NPAS3: variants seen among roughly 807,000 people sequenced by gnomAD.
NPAS3 encodes neuronal PAS domain protein 3.
Under a neutral mutation model 73.1 loss-of-function variants are expected in NPAS3, and 14 were observed. The ratio of observed to expected loss-of-function variants is 0.19; its 90% CI spans 0.13 to 0.30. The LOEUF (loss-of-function observed/expected upper bound fraction) is 0.30. Among genes scored for constraint, NPAS3 ranks in the 10% least tolerant of loss-of-function variants. The pLI is 1.00. For missense variants in NPAS3, 1,096 were observed against 1,250.0 expected (o/e 0.88, Z 1.86); for synonymous variants, 620 against 541.5 (o/e 1.14, Z -2.01).
At chr14:33,516,658 G>A (rs1008507198) in intron 4 of NPAS3, among the ~76,000 whole-genome samples, 1 of 152,250 alleles carries the variant, frequency 6.6e-6, no homozygotes, top group Admixed American at 6.5e-5. Flanking sequence ...CCTCATTGGA[G>A]TTACTGTGCA....
chr14:33,416,980 CT>C (rs1399214578), intron 4 of NPAS3, among the ~76,000 whole-genome samples: 1 of 151,830 alleles, frequency 6.6e-6, no homozygotes, highest in Non-Finnish European at 1.5e-5. Context: ...TGGCTTTGCT[CT>C]TTGCTTTTTT....
intron 4 of NPAS3, among the ~76,000 whole-genome samples, chr14:33,401,825 G>A (rs541275152): frequency 6.6e-6 from 1 of 152,008 alleles, no homozygotes; most frequent in South Asian, 2.1e-4. Flanking sequence ...CCATCCAAAG[G>A]CCTCCATTGC....
intron 3 of NPAS3, chr14:33,215,700 G>A (rs928823345): frequency 1.1e-5 from 7 of 645,966 alleles, no homozygotes; most frequent in Non-Finnish European, 1.9e-5. Flanking sequence ...ACATTAAAAT[G>A]CTTCTTGGGT....
At chr14:33,315,545 G>T (rs1236754837) in intron 3 of NPAS3, among the ~76,000 whole-genome samples, 2 of 151,356 alleles carry the variant, frequency 1.3e-5, no homozygotes, top group Non-Finnish European at 3.0e-5. Context: ...TGTGTGTGTG[G>T]TTGGGAGGGT....
chr14:33,263,516 A>C lies in NPAS3; in HGVS notation c.385+48090A>C, dbSNP rs1221448346. On this transcript the variant is annotated intron_variant, in intron 3 of 11. Transcript: ENST00000356141. ...GTACCAGTACCACGCTGTTTTGGTTACTGTAGCCTTGTAGTATAGTTTGAA... is the reference window on the plus strand; with the variant it reads ...GTACCAGTACCACGCTGTTTTGGTTCCTGTAGCCTTGTAGTATAGTTTGAA... 2.6e-5 allele frequency among the ~76,000 whole-genome samples: 4 copies of C among 152,142 alleles called. No individual in the cohort carries two copies. The South Asian group carries it at 6.2e-4, about 24-fold the overall frequency.
intron 2 of NPAS3, among the ~76,000 whole-genome samples, chr14:33,139,440 T>G (rs1260055470): frequency 6.6e-6 from 1 of 152,202 alleles, no homozygotes; most frequent in African/African-American, 2.4e-5. Context: ...AATTTTAACT[T>G]GCCAACAGGA....
At chr14:33,044,036 T>C (rs2040425517) in intron 1 of NPAS3, among the ~76,000 whole-genome samples, 1 of 152,202 alleles carries the variant, frequency 6.6e-6, no homozygotes, top group Non-Finnish European at 1.5e-5. Flanking sequence ...AAATCCAGTG[T>C]AGTACTTGGA....
At chr14:33,427,197 CT>C (rs1049539249) in intron 4 of NPAS3, among the ~76,000 whole-genome samples, 1 of 151,966 alleles carries the variant, frequency 6.6e-6, no homozygotes, top group Non-Finnish European at 1.5e-5. Context: ...CTCCTAAGAG[CT>C]ATGGGATGGT....
At chr14:33,510,989 C>T (rs1263936281) in intron 4 of NPAS3, among the ~76,000 whole-genome samples, 1 of 152,008 alleles carries the variant, frequency 6.6e-6, no homozygotes, top group Non-Finnish European at 1.5e-5. Flanking sequence ...TAGGTGGGTA[C>T]CTCCAGTAAT....
Position 33,778,447 on chromosome 14 carries a change from TG to T in NPAS3, c.1047-18del. On this transcript the variant is annotated intron_variant, in intron 8 of 11. Transcript: ENST00000356141. ...ATTTCCTCCTTTCTGAATTCCAGCC[TG>T]TGTTCTTCTCTTTGTAGGATTAGTG... 1 of 1,517,528 alleles carries T rather than the reference TG, an allele frequency of 6.6e-7. No individual in the cohort carries two copies. Among genetic ancestry groups the T allele is most frequent in the Non-Finnish European group, 9.2e-7 (1 of 1,092,328 alleles). 94.0% of individuals were successfully genotyped at this position (1,517,528 alleles called of 1,614,324 possible). A position where few individuals can be genotyped will look rare whatever the true frequency, so the allele number is the denominator to read the frequency against.
chr14:32,983,529 C>G (rs1480075733), intron 1 of NPAS3, among the ~76,000 whole-genome samples: 1 of 151,918 alleles, frequency 6.6e-6, no homozygotes, highest in African/African-American at 2.4e-5. Flanking sequence ...CAAAATTTCC[C>G]TTTATAGATG....
chr14:33,207,291 A>G (rs1261273641), intron 2 of NPAS3, among the ~76,000 whole-genome samples: 1 of 148,672 alleles, frequency 6.7e-6, no homozygotes, highest in Non-Finnish European at 1.5e-5. Context: ...ACACACACAC[A>G]GTTGTGGCTA....
At chr14:33,117,916 A>C (rs2043118010) in intron 2 of NPAS3, among the ~76,000 whole-genome samples, 1 of 152,090 alleles carries the variant, frequency 6.6e-6, no homozygotes, top group Non-Finnish European at 1.5e-5. Flanking sequence ...ACATAGAAAA[A>C]GCTTTAATTT....
At chr14:33,003,404 C>G (rs577474567) in intron 1 of NPAS3, among the ~76,000 whole-genome samples, 11 of 152,192 alleles carry the variant, frequency 7.2e-5, no homozygotes, top group Admixed American at 2.0e-4. Flanking sequence ...TGAAACTTAA[C>G]AAATCCCTTG....
At chr14:33,202,995 C>A (rs550825619) in intron 2 of NPAS3, among the ~76,000 whole-genome samples, 2 of 152,258 alleles carry the variant, frequency 1.3e-5, no homozygotes, top group South Asian at 4.1e-4. Context: ...GGTGTCTGTT[C>A]CCATTATGTG....
chr14:33,464,102 A>G (rs375456241), intron 4 of NPAS3, among the ~76,000 whole-genome samples: 80 of 152,250 alleles, frequency 5.3e-4, no homozygotes, highest in African/African-American at 1.8e-3. Flanking sequence ...ATATCCCAAA[A>G]CAGTTAAGTA....
chr14:33,582,841 G>A (rs575922796), intron 5 of NPAS3, among the ~76,000 whole-genome samples: 1 of 152,028 alleles, frequency 6.6e-6, no homozygotes, highest in Non-Finnish European at 1.5e-5. Flanking sequence ...TAGTTCTATC[G>A]AATAAGCACA....
At chr14:33,178,372 C>T (rs544093365) in intron 2 of NPAS3, among the ~76,000 whole-genome samples, 15 of 152,140 alleles carry the variant, frequency 9.9e-5, no homozygotes, top group African/African-American at 2.4e-4. Flanking sequence ...CGCACCCGGC[C>T]GAAGTGAATC....
At chr14:32,997,642 C>T (rs1028606785) in intron 1 of NPAS3, among the ~76,000 whole-genome samples, 14 of 151,602 alleles carry the variant, frequency 9.2e-5, no homozygotes, top group South Asian at 2.1e-4. Context: ...ATGTGACTGG[C>T]GGCTGGGCGC....
Sources: allele counts gnomAD v4.1 joint callset (sites outside exome capture counted in the v4.1 genomes callset), GRCh38; gene constraint gnomAD v4.1.1; transcripts MANE v1.5; gene names NCBI Gene and HGNC (gene_info 2026-07-23, HGNC 2026-07-21).